Variants in YWHAZ observed in about 807,000 individuals in gnomAD.
YWHAZ encodes 14-3-3 protein zeta/delta.
For missense variants in YWHAZ, 79 were observed against 284.8 expected (o/e 0.28, Z 5.20); for synonymous variants, 87 against 103.6 (o/e 0.84, Z 0.97).
chr8:100,952,986 A>AG, upstream of YWHAZ: 1 of 998,872 alleles, frequency 1.0e-6, no homozygotes, highest in Non-Finnish European at 1.2e-6. Flanking sequence ...TGACTGCGCG[A>AG]GGGGACAATG....
At chr8:100,921,744 A>T (rs1263792100) in intron 5 of YWHAZ, among the ~76,000 whole-genome samples, 1 of 152,236 alleles carries the variant, frequency 6.6e-6, no homozygotes, top group African/African-American at 2.4e-5. Flanking sequence ...AAATCTTTTA[A>T]CAGGTAAAAA....
intron 2 of YWHAZ, among the ~76,000 whole-genome samples, chr8:100,935,850 T>G (rs542150024): frequency 1.8e-3 from 280 of 152,340 alleles, no homozygotes; most frequent in Middle Eastern, 0.01. Flanking sequence ...ACTACAGCAT[T>G]AATTTCAAAA....
intron 2 of YWHAZ, among the ~76,000 whole-genome samples, chr8:100,935,674 G>A (rs1360665302): frequency 6.6e-6 from 1 of 152,016 alleles, no homozygotes; most frequent in Non-Finnish European, 1.5e-5. Context: ...GAAAAATCCT[G>A]CAGAGAGAAC....
In YWHAZ at chr8:100,934,157, CAAA is replaced by C. The variant is rs35069019; in HGVS notation, c.295-9121_295-9119del. Among the ~76,000 whole-genome samples the C allele has an allele frequency of 8.7e-4, 68 of 78,200 alleles. 1 individual carries two copies. Among genetic ancestry groups the C allele is most frequent in the African/African-American group, 1.6e-3 (33 of 20,464 alleles). 51.3% of individuals were successfully genotyped at this position (78,200 alleles called of 152,430 possible). A position where few individuals can be genotyped will look rare whatever the true frequency, so the allele number is the denominator to read the frequency against. On this transcript the variant is annotated intron_variant, in intron 2 of 5. Coordinates refer to ENST00000395958, the MANE Select transcript of YWHAZ (RefSeq NM_145690.3). ...CTGGGCAACAAAGCTAGACTCGTCTCAAAAAAAAAAAAAAAAAAAAAAAAAAAA... is the reference window on the plus strand; with the variant it reads ...CTGGGCAACAAAGCTAGACTCGTCTCAAAAAAAAAAAAAAAAAAAAAAAAA...
chr8:100,949,702 G>A (rs958378281), intron 1 of YWHAZ, among the ~76,000 whole-genome samples: 17 of 152,086 alleles, frequency 1.1e-4, no homozygotes, highest in African/African-American at 4.1e-4. Flanking sequence ...CAATGTCATC[G>A]CTCCAGTTGA....
At chr8:100,937,558 A>C (rs1303748319) in intron 2 of YWHAZ, among the ~76,000 whole-genome samples, 1 of 152,224 alleles carries the variant, frequency 6.6e-6, no homozygotes, top group Admixed American at 6.5e-5. Flanking sequence ...TATGAATTGA[A>C]ATTTGCGAAT....
intron 2 of YWHAZ, among the ~76,000 whole-genome samples, chr8:100,942,458 AAG>A (rs745610591): frequency 2.0e-5 from 3 of 152,204 alleles, no homozygotes; most frequent in South Asian, 2.1e-4. Flanking sequence ...CATAATAAAA[AAG>A]AGAGAACTGC....
rs1369794003 is a variant in YWHAZ, at chr8:100,924,249, G to A, written c.468C>T (p.Ser156=). Residue 156 remains serine, a synonymous_variant, in exon 4 of 6, where the codon AGC becomes AGT. Coordinates refer to ENST00000395958, the MANE Select transcript of YWHAZ (RefSeq NM_145690.3). The surrounding 1 kb of genome is among the most constrained non-coding windows in gnomAD (Gnocchi z 5.7). ...QQAYQEAFEI[S]KKEMQPTHPI... is the part of the protein sequence containing the mutation. ...GATGTGTTGGTTGCATTTCCTTTTT[G>A]CTGATTTCAAAAGCTTCTTGGTATG... is the stretch of plus-strand genomic sequence containing the variant. 14 of 1,613,734 alleles carry A rather than the reference G, an allele frequency of 8.7e-6. No individual in the cohort carries two copies. Among genetic ancestry groups the A allele is most frequent in the Non-Finnish European group, 1.1e-5 (13 of 1,179,976 alleles).
At chr8:100,941,764 G>A (rs1279186115) in intron 2 of YWHAZ, among the ~76,000 whole-genome samples, 2 of 148,406 alleles carry the variant, frequency 1.3e-5, no homozygotes, top group African/African-American at 2.5e-5. Flanking sequence ...CAGCCTGGAC[G>A]ACAAGGTGAG....
chr8:100,948,408 AT>A lies in YWHAZ; in HGVS notation c.294+187del, dbSNP rs1368467975. On this transcript the variant is annotated intron_variant, in intron 2 of 5. Transcript: ENST00000395958. The surrounding 1 kb of genome is among the most constrained non-coding windows in gnomAD (Gnocchi z 4.2). ...GAACTGTTTCATAATCATTGTTGCA[AT>A]TATTTTACATACACGTATCTATAAT... 6.6e-6 allele frequency among the ~76,000 whole-genome samples: 1 copy of A among 152,222 alleles called. No homozygotes were observed. The highest frequency in any genetic ancestry group is 2.4e-5 in the African/African-American group (1 of 41,454).
rs2130057385 is a variant in YWHAZ at position 100,918,607 on chromosome 8, T to C, written c.*2086A>G. 6.6e-6 allele frequency: 1 copy of C among 151,444 alleles called. No homozygotes were observed. The highest frequency in any genetic ancestry group is 2.0e-4 in the East Asian group (1 of 5,128). The allele number at this position is 151,444 out of a possible 1,614,324, so 9.4% of individuals were successfully genotyped here. On this transcript the variant is annotated 3_prime_UTR_variant, in exon 6 of 6. Coordinates refer to ENST00000395958, the MANE Select transcript of YWHAZ (RefSeq NM_145690.3). ...TTGCACTTTTATTTGAATGTAATAT[T>C]TGGGACAATTATTCAAAAGGGCCAA... is the stretch of plus-strand genomic sequence containing the variant.
intron 2 of YWHAZ, among the ~76,000 whole-genome samples, chr8:100,925,287 C>T (rs1813282915): frequency 6.6e-6 from 1 of 152,098 alleles, no homozygotes; most frequent in Admixed American, 6.5e-5. Context: ...GAACATTGGT[C>T]CCTGACAATG....
upstream of YWHAZ, chr8:100,952,962 G>A: frequency 1.0e-6 from 1 of 1,000,662 alleles, no homozygotes; most frequent in Non-Finnish European, 1.2e-6. Context: ...CGAGAGCGCG[G>A]GATCTGCGCT....
chr8:100,945,565 A>AT (rs1422562532), intron 2 of YWHAZ, among the ~76,000 whole-genome samples: 2 of 152,052 alleles, frequency 1.3e-5, no homozygotes, highest in Admixed American at 1.3e-4. Flanking sequence ...ATTATAATTG[A>AT]TTTTTTATCA....
chr8:100,918,443 T>TATATATAA lies in YWHAZ; in HGVS notation c.*2249_*2250insTTATATAT, dbSNP rs1417316114. 13 of 117,058 alleles carry TATATATAA rather than the reference T, an allele frequency of 1.1e-4. No homozygotes were observed. Among genetic ancestry groups the TATATATAA allele is most frequent in the African/African-American group, 3.7e-4 (11 of 29,664 alleles). The allele number at this position is 117,058 out of a possible 1,614,324, so 7.3% of individuals were successfully genotyped here. On this transcript the variant is annotated 3_prime_UTR_variant, in exon 6 of 6. Coordinates refer to ENST00000395958, the MANE Select transcript of YWHAZ (RefSeq NM_145690.3). Reference sequence around the variant, plus strand: ...ATATATATATATATATATATATATATAATTATTTTACCTCCTTGGCTTGGG... The same window carrying TATATATAA: ...ATATATATATATATATATATATATATATATATAAAATTATTTTACCTCCTTGGCTTGGG...
Position 100,948,137 on chromosome 8 carries a change from T to C in YWHAZ, c.294+459A>G, listed in dbSNP as rs1810444806. 6.5e-7 allele frequency: 1 copy of C among 1,534,414 alleles called. No individual in the cohort carries two copies. Among genetic ancestry groups the C allele is most frequent in the Admixed American group, 2.0e-5 (1 of 50,554 alleles). On this transcript the variant is annotated intron_variant, in intron 2 of 5. Coordinates refer to ENST00000395958, the MANE Select transcript of YWHAZ (RefSeq NM_145690.3). The surrounding 1 kb of genome is among the most constrained non-coding windows in gnomAD (Gnocchi z 4.2). ...TGTGACGCCAGAGTTTTCTGCATGGTTGACTCATTACATTAACATTATAGC... is the reference window on the plus strand; with the variant it reads ...TGTGACGCCAGAGTTTTCTGCATGGCTGACTCATTACATTAACATTATAGC...
intron 1 of YWHAZ, chr8:100,951,688 G>T (rs1046668427): frequency 1.0e-6 from 1 of 985,404 alleles, no homozygotes; most frequent in Non-Finnish European, 1.2e-6. Context: ...GGGGGAGCGA[G>T]CACCGATCGG....
chr8:100,923,806 T>C (rs534569408), intron 5 of YWHAZ, 149 bp downstream of exon 5: 2 of 559,466 alleles, frequency 3.6e-6, no homozygotes, highest in South Asian at 3.0e-5. Context: ...CATAGGACTT[T>C]AATAGTAGCT....
intron 5 of YWHAZ, 117 bp from the exon 6 acceptor site, chr8:100,920,869 TAGC>T (rs1802322026): frequency 2.4e-6 from 2 of 841,044 alleles, no homozygotes; most frequent in African/African-American, 1.8e-5. Context: ...CTTAAAAAGA[TAGC>T]AGCATCACTT....
Sources: gnomAD v4.1 joint callset for allele counts (sites outside exome capture counted in the v4.1 genomes callset) on GRCh38, gnomAD v4.1.1 for gene constraint, Gnocchi (gnomAD v3.1) non-coding constraint, MANE v1.5 for transcripts, NCBI Gene and HGNC (gene_info 2026-07-23, HGNC 2026-07-21) for gene names.